Variants in DCTN4 observed in about 807,000 individuals in gnomAD.
DCTN4 encodes dynactin subunit 4, also known as dynactin 4 (p62).
In DCTN4, 23 loss-of-function variants were observed where a neutral mutation model predicts 62.7. The observed-to-expected ratio is 0.37, with a 90% CI of 0.26 to 0.52. The LOEUF (loss-of-function observed/expected upper bound fraction) is 0.52. Among genes scored for constraint, DCTN4 ranks in the 20% least tolerant of loss-of-function variants. The probability of loss-of-function intolerance (pLI) is 0.92; values close to 1 mark genes in which losing one functional copy is unlikely to be tolerated. For synonymous variants in DCTN4, 199 were observed against 202.1 expected, an observed-to-expected ratio of 0.98 and a Z score of 0.13; for missense variants, 514 against 580.4, an observed-to-expected ratio of 0.89 and a Z score of 1.18.
At chr5:150,754,656 T>C (rs1752791914) in intron 2 of DCTN4, among the ~76,000 whole-genome samples, 1 of 152,134 alleles carries the variant, frequency 6.6e-6, no homozygotes, top group South Asian at 2.1e-4. Flanking sequence ...GAAACAACTC[T>C]AAGACTGAGA....
Position 150,718,278 on chromosome 5 carries a change from T to C in DCTN4, c.1069A>G (p.Lys357Glu). The change falls in exon 11 of 13, where the codon AAG (lysine) becomes GAG (glutamate). Residue 357 changes from lysine to glutamate, a missense_variant and splice_region_variant. Transcript: ENST00000447998. ...AGGCTGAGGCAAAATGCTCCTACCT[T>C]AGCAGTGCTGTTGATATCATCAGGG... is the stretch of plus-strand genomic sequence containing the variant. ...GDPDDINSTA[K>E]VVVPPKELVL... 3 of 1,610,644 alleles carry C rather than the reference T, an allele frequency of 1.9e-6. No homozygotes were observed. Among genetic ancestry groups the C allele is most frequent in the Non-Finnish European group, 2.5e-6 (3 of 1,177,366 alleles).
Position 150,711,124 on chromosome 5 carries a change from G to C in DCTN4, c.*25C>G, listed in dbSNP as rs374616347. ...CAGGTTTACGGTGATACTGTCCTTT[G>C]GGATCTGCCCTCCAGTGGAACCTTT... On this transcript the variant is annotated 3_prime_UTR_variant, in exon 13 of 13. Coordinates refer to ENST00000447998, the MANE Select transcript of DCTN4 (RefSeq NM_016221.4). The C allele has an allele frequency of 1.2e-6, 2 of 1,603,980 alleles. No homozygotes were observed. Among genetic ancestry groups the C allele is most frequent in the African/African-American group, 2.7e-5 (2 of 74,682 alleles).
chr5:150,731,757 G>T, intron 5 of DCTN4: 1 of 861,436 alleles, frequency 1.2e-6, no homozygotes, highest in Non-Finnish European at 1.9e-6. Flanking sequence ...TAATCTAAAA[G>T]TATCTAAGCT....
intron 8 of DCTN4, among the ~76,000 whole-genome samples, chr5:150,728,235 TTTC>T (rs1760226076): frequency 2.0e-5 from 3 of 152,342 alleles, no homozygotes; most frequent in African/African-American, 7.2e-5. Flanking sequence ...ACTTAAATCT[TTTC>T]TTGTTAATAA....
chr5:150,753,778 C>T, intron 2 of DCTN4, 121 bp from the exon 3 acceptor site: 1 of 995,028 alleles, frequency 1.0e-6, no homozygotes, highest in Non-Finnish European at 1.4e-6. Flanking sequence ...GGCCTCTTAC[C>T]AACTTTGCTT....
At chr5:150,731,548 A>G in intron 5 of DCTN4, 59 bp from the exon 6 acceptor site, 2 of 1,399,600 alleles carry the variant, frequency 1.4e-6, no homozygotes, top group Non-Finnish European at 2.0e-6. Context: ...CTATTTATCA[A>G]AAGAAAGAAT....
intron 12 of DCTN4, 100 bp from the exon 13 acceptor site, chr5:150,711,462 A>C: frequency 1.1e-6 from 1 of 917,546 alleles, no homozygotes; most frequent in Non-Finnish European, 1.7e-6. Context: ...TTCCTTCAGC[A>C]CACACAGAAA....
At chr5:150,758,705 T>A in intron 1 of DCTN4, 154 bp downstream of exon 1, 1 of 1,341,836 alleles carries the variant, frequency 7.5e-7, no homozygotes. Context: ...AAGTGACAGA[T>A]TAGAAGCAAA....
At position 150,758,945 on chromosome 5, in the gene DCTN4, C is replaced by T. The variant is rs1039761011; in HGVS notation, c.49G>A (p.Glu17Lys). 2 of 1,614,026 alleles carry T rather than the reference C, an allele frequency of 1.2e-6. No individual in the cohort carries two copies. Among genetic ancestry groups the T allele is most frequent in the African/African-American group, 2.7e-5 (2 of 74,910 alleles). Residue 17 changes from glutamate to lysine, a missense_variant, in exon 1 of 13, where the codon GAA (glutamate) becomes AAA (lysine). Coordinates refer to ENST00000447998, the MANE Select transcript of DCTN4 (RefSeq NM_016221.4). ...SDRVLYLVQG[E>K]KKVRAPLSQL... ...GAGAGCGGGGCCCGAACCTTCTTTT[C>T]TCCCTGGACTAGATAGAGAACCCGG...
intron 5 of DCTN4, chr5:150,732,033 C>G: frequency 3.6e-6 from 3 of 828,318 alleles, no homozygotes; most frequent in Non-Finnish European, 4.0e-6. Flanking sequence ...AATTCAAATT[C>G]TACCTCTAAA....
intron 12 of DCTN4, 79 bp downstream of exon 12, chr5:150,715,486 C>T: frequency 5.4e-6 from 6 of 1,107,052 alleles, no homozygotes; most frequent in Non-Finnish European, 6.5e-6. Flanking sequence ...TTTAAAAAAT[C>T]CAGACAAGAA....
chr5:150,744,482 T>C lies in DCTN4; in HGVS notation c.386-2325A>G, dbSNP rs528290614. Among the ~76,000 whole-genome samples the C allele has an allele frequency of 4.6e-5, 7 of 152,060 alleles. No individual in the cohort carries two copies. In the South Asian group the frequency reaches 8.3e-4, roughly 18 times the overall value. On this transcript the variant is annotated intron_variant, in intron 3 of 12. Transcript: ENST00000447998. ...TCAAGAAGAGCAACTCCAAGACACA[T>C]AATTGTCAGATTCACCAAAGTTGAA... is the stretch of plus-strand genomic sequence containing the variant.
chr5:150,727,561 G>C (rs1760192341), intron 8 of DCTN4, among the ~76,000 whole-genome samples: 1 of 151,948 alleles, frequency 6.6e-6, no homozygotes, highest in Admixed American at 6.5e-5. Flanking sequence ...CGGATCACGA[G>C]GTCAGAAGAT....
rs754521602 is a variant in DCTN4 at position 150,719,692 on chromosome 5, C to T, written c.963+24G>A. ...ACATCATTGATCAATCCTTTTTCTT[C>T]CTGTTAATGAGCAAGGTACTAACCT... On this transcript the variant is annotated intron_variant, in intron 10 of 12. Transcript: ENST00000447998. 14 of 1,561,942 alleles carry T rather than the reference C, an allele frequency of 9.0e-6. No homozygotes were observed. The Admixed American group carries it at 1.0e-4, about 11-fold the overall frequency.
chr5:150,733,963 G>C (rs1760480795), intron 4 of DCTN4: 1 of 153,080 alleles, frequency 6.5e-6, no homozygotes, highest in Admixed American at 6.5e-5. Flanking sequence ...GGCTGAAGTG[G>C]GTAGATCACT....
Position 150,741,164 on chromosome 5 carries a change from C to CAAA in DCTN4, c.429+947_429+949dup, listed in dbSNP as rs754641920. ...TGGGTGACAGAGTGAGATCCTGTCT[C>CAAA]AAAAAAAAAAAAAAAAAAAAAGTTC... On this transcript the variant is annotated intron_variant, in intron 4 of 12. Coordinates refer to ENST00000447998, the MANE Select transcript of DCTN4 (RefSeq NM_016221.4). Among the ~76,000 whole-genome samples, 4 of 58,316 alleles carry CAAA rather than the reference C, an allele frequency of 6.9e-5. 1 individual carries two copies. The highest frequency in any genetic ancestry group is 1.1e-4 in the African/African-American group (2 of 18,376). The allele number at this position is 58,316 out of a possible 152,430, so 38.3% of individuals were successfully genotyped here.
At chr5:150,745,511 C>T (rs1760928518) in intron 3 of DCTN4, among the ~76,000 whole-genome samples, 1 of 152,282 alleles carries the variant, frequency 6.6e-6, no homozygotes, top group East Asian at 1.9e-4. Context: ...CCACACCACA[C>T]CCATTCCAAA....
At chr5:150,728,128 G>T (rs1028032656) in intron 8 of DCTN4, among the ~76,000 whole-genome samples, 1 of 152,122 alleles carries the variant, frequency 6.6e-6, no homozygotes, top group South Asian at 2.1e-4. Context: ...ACAAGCAAAT[G>T]TATTTAAGAG....
chr5:150,758,769 GA>G (rs1752953692), intron 1 of DCTN4, 89 bp downstream of exon 1: 8 of 1,545,666 alleles, frequency 5.2e-6, no homozygotes, highest in Non-Finnish European at 7.0e-6. Context: ...AGTAAGGAAG[GA>G]AAATAGCTCC....
Sources: allele counts gnomAD v4.1 joint callset (sites outside exome capture counted in the v4.1 genomes callset), GRCh38; gene constraint gnomAD v4.1.1; transcripts MANE v1.5; gene names NCBI Gene and HGNC (gene_info 2026-07-23, HGNC 2026-07-21).